SNW1: variants seen among roughly 807,000 people sequenced by gnomAD.
SNW1 encodes SNW domain-containing protein 1.
A neutral mutation model predicts 75.6 loss-of-function variants in SNW1; 9 were observed. The observed-to-expected ratio is 0.12, with a 90% CI of 0.07 to 0.21. The LOEUF is 0.21. Among genes scored for constraint, SNW1 ranks in the 10% least tolerant of loss-of-function variants. The pLI is 1.00. For synonymous variants in SNW1, 200 were observed against 219.1 expected, an observed-to-expected ratio of 0.91 and a Z score of 0.77; for missense variants, 409 against 670.9, an observed-to-expected ratio of 0.61 and a Z score of 4.31.
chr14:77,722,276 T>C (rs2080547379), intron 11 of SNW1, among the ~76,000 whole-genome samples: 2 of 152,106 alleles, frequency 1.3e-5, no homozygotes, highest in African/African-American at 4.8e-5. Flanking sequence ...TGCCCTCATA[T>C]ATATATTTAG....
At chr14:77,748,590 CTTTT>C (rs944974013) in intron 3 of SNW1, among the ~76,000 whole-genome samples, 1 of 148,630 alleles carries the variant, frequency 6.7e-6, no homozygotes, top group Non-Finnish European at 1.5e-5. Flanking sequence ...ATTTGTATAA[CTTTT>C]TTTTTTATTT....
At chr14:77,725,547 G>A (rs1394516572) in intron 10 of SNW1, among the ~76,000 whole-genome samples, 1 of 152,156 alleles carries the variant, frequency 6.6e-6, no homozygotes, top group Non-Finnish European at 1.5e-5. Flanking sequence ...TTTTGCATGT[G>A]ACTATTCGGT....
chr14:77,740,301 AT>A (rs1241010497), intron 3 of SNW1, among the ~76,000 whole-genome samples: 5 of 151,568 alleles, frequency 3.3e-5, no homozygotes, highest in African/African-American at 7.2e-5. Context: ...GATCTCCAGA[AT>A]TTTTTTTTGT....
intron 9 of SNW1, 115 bp downstream of exon 9, chr14:77,732,370 A>G: frequency 1.4e-6 from 1 of 691,496 alleles, no homozygotes; most frequent in East Asian, 2.5e-5. Flanking sequence ...CACACGTACC[A>G]TGGGTGAGAC....
intron 1 of SNW1, 135 bp downstream of exon 1, chr14:77,760,978 AG>A (rs1246652494): frequency 1.3e-6 from 2 of 1,597,676 alleles, no homozygotes; most frequent in African/African-American, 2.7e-5. Flanking sequence ...GGCCAGCGGG[AG>A]GGCGTAGCCG....
chr14:77,720,909 A>C, intron 11 of SNW1, 81 bp from the exon 12 acceptor site: 11 of 852,950 alleles, frequency 1.3e-5, no homozygotes, highest in Non-Finnish European at 2.2e-5. Flanking sequence ...AACCAATCTC[A>C]GAAACAAAGG....
intron 3 of SNW1, among the ~76,000 whole-genome samples, chr14:77,744,391 G>GTTGCAGTGAGCCAAGA (rs1224241573): frequency 6.9e-6 from 1 of 144,298 alleles, no homozygotes; most frequent in Admixed American, 7.1e-5. Flanking sequence ...GGAGGCAGAG[G>GTTGCAGTGAGCCAAGA]TTGCAGTGAG....
At chr14:77,754,031 G>GTTCTTT (rs1283423487) in intron 2 of SNW1, among the ~76,000 whole-genome samples, 1 of 151,712 alleles carries the variant, frequency 6.6e-6, no homozygotes, top group African/African-American at 2.4e-5. Context: ...AAGGAAGCTT[G>GTTCTTT]TTCTTTTTAT....
At chr14:77,749,130 T>C (rs2080787752) in intron 3 of SNW1, among the ~76,000 whole-genome samples, 1 of 152,176 alleles carries the variant, frequency 6.6e-6, no homozygotes, top group African/African-American at 2.4e-5. Flanking sequence ...CAGAGAATAC[T>C]GGGCTGGAAA....
Position 77,718,355 on chromosome 14 carries a change from AT to A in SNW1, c.1412+11del. 1 of 1,614,244 alleles carries A rather than the reference AT, an allele frequency of 6.2e-7. No homozygotes were observed. Among genetic ancestry groups the A allele is most frequent in the Admixed American group, 1.7e-5 (1 of 60,030 alleles). ...AGTGTAAACACTGAAATTGAGTTGT[AT>A]GGCTTGGCACCTGTTGGTCTTTATT... On this transcript the variant is annotated intron_variant, in intron 13 of 13. Coordinates refer to ENST00000261531, the MANE Select transcript of SNW1 (RefSeq NM_012245.3).
chr14:77,722,933 C>T, intron 11 of SNW1: 2 of 472,840 alleles, frequency 4.2e-6, no homozygotes, highest in South Asian at 4.0e-5. Context: ...CAAGCTCCAC[C>T]TCCCGGGTTC....
chr14:77,722,702 A>C (rs2080551515), intron 11 of SNW1: 1 of 361,804 alleles, frequency 2.8e-6, no homozygotes, highest in Non-Finnish European at 5.4e-6. Flanking sequence ...AAAGTAGTTA[A>C]GTACAAGAAA....
chr14:77,741,804 G>C (rs998824699), intron 3 of SNW1, among the ~76,000 whole-genome samples: 6 of 152,098 alleles, frequency 3.9e-5, no homozygotes, highest in Non-Finnish European at 2.9e-5. Context: ...CCATAGCAAC[G>C]GTTATAAGGA....
intron 10 of SNW1, among the ~76,000 whole-genome samples, chr14:77,730,052 C>CGTAT (rs2139901922): frequency 6.6e-6 from 1 of 152,296 alleles, no homozygotes; most frequent in South Asian, 2.1e-4. Context: ...CCACACTAGG[C>CGTAT]ATACTCCCAT....
intron 7 of SNW1, 76 bp from the exon 8 acceptor site, chr14:77,735,088 C>T (rs1595081097): frequency 1.9e-6 from 2 of 1,064,614 alleles, no homozygotes; most frequent in East Asian, 2.4e-5. Flanking sequence ...TCTTTATCTT[C>T]AAAGACAGCT....
In SNW1 at chr14:77,735,019, G is replaced by T. The variant is rs758397834; in HGVS notation, c.709-7C>A. On this transcript the variant is annotated splice_polypyrimidine_tract_variant and splice_region_variant and intron_variant, in intron 7 of 13. Transcript: ENST00000261531. ...GTTGTTCCTTTACAGTCATCTGAGA[G>T]AAGAGGGAAAGAAGAGACAAGTTTA... 6.3e-7 allele frequency: 1 copy of T among 1,596,252 alleles called. No homozygotes were observed.
chr14:77,744,190 C>T (rs186414601), intron 3 of SNW1, among the ~76,000 whole-genome samples: 146 of 149,594 alleles, frequency 9.8e-4, no homozygotes, highest in African/African-American at 3.4e-3. Flanking sequence ...CAGCGACTCA[C>T]GCCTATAATC....
chr14:77,745,706 CAG>C (rs1173763950), intron 3 of SNW1, among the ~76,000 whole-genome samples: 1 of 147,354 alleles, frequency 6.8e-6, no homozygotes, highest in Admixed American at 6.7e-5. Context: ...GATTTGGTCT[CAG>C]AAAAAAAGTT....
At chr14:77,747,761 C>A (rs1346638354) in intron 3 of SNW1, among the ~76,000 whole-genome samples, 2 of 150,802 alleles carry the variant, frequency 1.3e-5, no homozygotes, top group Non-Finnish European at 3.0e-5. Context: ...TGGGGGCCAG[C>A]CCCTGCCTGG....
Sources: allele counts gnomAD v4.1 joint callset (sites outside exome capture counted in the v4.1 genomes callset), GRCh38; gene constraint gnomAD v4.1.1; transcripts MANE v1.5; gene names NCBI Gene and HGNC (gene_info 2026-07-23, HGNC 2026-07-21).